Variants in SYNE1 observed in about 807,000 individuals in gnomAD.
SYNE1 encodes nesprin-1.
Under a neutral mutation model 1,111.0 loss-of-function variants are expected in SYNE1, and 616 were observed. The observed-to-expected ratio is 0.55, with a 90% CI of 0.52 to 0.59. The LOEUF is 0.59. Among genes scored for constraint, SYNE1 ranks in the 20% least tolerant of loss-of-function variants. The pLI, the probability that SYNE1 is intolerant of heterozygous loss-of-function variation, is 0.00. For synonymous variants in SYNE1, 3,855 were observed against 3,825.8 expected, an observed-to-expected ratio of 1.01 and a Z score of -0.28; for missense variants, 10,006 against 10,417.0, an observed-to-expected ratio of 0.96 and a Z score of 1.72.
At chr6:152,224,959 G>GTATA (rs565059418) in intron 116 of SYNE1, among the ~76,000 whole-genome samples, 2 of 145,336 alleles carry the variant, frequency 1.4e-5, no homozygotes, top group Non-Finnish European at 3.0e-5. Flanking sequence ...ATATATATGT[G>GTATA]TATATATATA....
chr6:152,276,929 G>T (rs11753775), intron 98 of SYNE1, among the ~76,000 whole-genome samples: 1 of 139,730 alleles, frequency 7.2e-6, no homozygotes, highest in East Asian at 2.1e-4. Flanking sequence ...CTGTCTCCCA[G>T]GCTGGAGTGC....
chr6:152,287,905 A>G (rs2094416798), intron 95 of SYNE1, among the ~76,000 whole-genome samples: 1 of 152,228 alleles, frequency 6.6e-6, no homozygotes, highest in Admixed American at 6.5e-5. Flanking sequence ...TGCAATTTTT[A>G]AAACGTGATT....
At chr6:152,400,458 G>A (rs1172359413) in intron 47 of SYNE1, among the ~76,000 whole-genome samples, 1 of 152,102 alleles carries the variant, frequency 6.6e-6, no homozygotes, top group Non-Finnish European at 1.5e-5. Context: ...GAGGTCAGGA[G>A]TTCGAGACCA....
chr6:152,159,438 C>T (rs1441946557), intron 131 of SYNE1, among the ~76,000 whole-genome samples: 5 of 151,974 alleles, frequency 3.3e-5, no homozygotes, highest in Non-Finnish European at 7.4e-5. Flanking sequence ...TTTTTAAAGT[C>T]TTAATTTAAA....
At chr6:152,367,771 A>G (rs1289035780) in intron 61 of SYNE1, 2 of 236,952 alleles carry the variant, frequency 8.4e-6, no homozygotes, top group Non-Finnish European at 8.4e-6. Flanking sequence ...GTTCTAAAAA[A>G]AAAATAATCT....
At chr6:152,511,528 C>A (rs1175329987) in intron 6 of SYNE1, 1 of 1,585,682 alleles carries the variant, frequency 6.3e-7, no homozygotes, top group East Asian at 2.2e-5. Context: ...TTCCCTTTTA[C>A]CTATAAAAAT....
chr6:152,331,049 C>T lies in SYNE1; in HGVS notation c.13636G>A (p.Val4546Ile), dbSNP rs4870093. 2,142 of 1,614,156 alleles carry T rather than the reference C, an allele frequency of 1.3e-3. 39 individuals carry two copies. In the Admixed American group the frequency reaches 0.022, roughly 16 times the overall value. The change falls in exon 78 of 146, where the codon GTT becomes ATT. Residue 4546 changes from valine (V) to isoleucine (I), a missense_variant. By Grantham distance (29) the Val-to-Ile change is conservative (BLOSUM62 3). Transcript: ENST00000367255. ...AACCGGTGACTGCACTTTTGTAAAA[C>T]ACTGTCATAGACACTCTGCAATTCC... ...LQELQSVYDS[V>I]LQKCSHRLQE...
intron 124 of SYNE1, among the ~76,000 whole-genome samples, chr6:152,210,028 C>T (rs1351758371): frequency 1.3e-5 from 2 of 152,194 alleles, no homozygotes; most frequent in African/African-American, 4.8e-5. Context: ...CAAGCTGTCC[C>T]AAACTACCTG....
intron 128 of SYNE1, among the ~76,000 whole-genome samples, chr6:152,184,823 A>G (rs2069328473): frequency 6.6e-6 from 1 of 152,192 alleles, no homozygotes; most frequent in Non-Finnish European, 1.5e-5. Context: ...TCAAAAGATA[A>G]GGGCAATGGC....
chr6:152,544,281 T>C (rs11969020), intron 3 of SYNE1, among the ~76,000 whole-genome samples: 8,088 of 152,222 alleles, frequency 0.053, 697 homozygotes, highest in African/African-American at 0.18. Context: ...TGATTATTAC[T>C]GGGTAGAATT....
chr6:152,144,210 C>A, intron 137 of SYNE1: 1 of 280,598 alleles, frequency 3.6e-6, no homozygotes, highest in South Asian at 3.8e-5. Flanking sequence ...TTTCTTCATG[C>A]ACCTCAGGGG....
At position 152,310,796 on chromosome 6, in the gene SYNE1, C is replaced by T. The variant is rs1475691670; in HGVS notation, c.16788G>A (p.Val5596=). ...MTEKLQYLTS[V]YCTEKMSQQV... is the part of the protein sequence containing the mutation. ...GCTGAGACATTTTTTCTGTACAGTA[C>T]ACGCTAGTGAGGTACTGTAATTTCT... is the stretch of plus-strand genomic sequence containing the variant. Residue 5596 remains valine, a synonymous_variant, in exon 88 of 146, where the codon GTG becomes GTA. Transcript: ENST00000367255. The T allele has an allele frequency of 6.2e-7, 1 of 1,614,018 alleles. No homozygotes were observed.
intron 3 of SYNE1, among the ~76,000 whole-genome samples, chr6:152,580,397 G>A (rs2099515467): frequency 6.6e-6 from 1 of 152,084 alleles, no homozygotes; most frequent in Non-Finnish European, 1.5e-5. Flanking sequence ...AGTTCCTTAT[G>A]AATTCTGGAT....
intron 124 of SYNE1, among the ~76,000 whole-genome samples, chr6:152,210,356 T>C (rs1044673370): frequency 6.6e-6 from 1 of 152,234 alleles, no homozygotes; most frequent in Admixed American, 6.5e-5. Flanking sequence ...AATATTGTTA[T>C]AGAGTTGGCT....
chr6:152,577,523 C>G (rs2099502020), intron 3 of SYNE1, among the ~76,000 whole-genome samples: 1 of 152,084 alleles, frequency 6.6e-6, no homozygotes, highest in African/African-American at 2.4e-5. Flanking sequence ...GTCGCAGCTA[C>G]TCGGGAGGCT....
intron 80 of SYNE1, 86 bp from the exon 81 acceptor site, chr6:152,325,388 C>A: frequency 7.7e-7 from 1 of 1,302,492 alleles, no homozygotes; most frequent in Non-Finnish European, 1.1e-6. Flanking sequence ...TTGGTAAAGC[C>A]CAAAATTCCT....
intron 127 of SYNE1, among the ~76,000 whole-genome samples, chr6:152,194,217 T>C (rs969897574): frequency 2.7e-5 from 4 of 150,742 alleles, no homozygotes; most frequent in South Asian, 2.1e-4. Context: ...CCCTTAGCTT[T>C]TGTTTGTTTG....
rs1246221242 is a variant in SYNE1, at chr6:152,510,259, A to G, written c.515T>C (p.Val172Ala). ...ETPSPPSKRK[V>A]TTKIQGNAKK... ...AGCATTTCCTTGGATCTTGGTGGTC[A>G]CCTTCCGTTTACTTGGTGGGCTGGG... The change falls in exon 8 of 146, where the codon GTG (valine) becomes GCG (alanine). Residue 172 changes from valine (V) to alanine (A), a missense_variant. By Grantham distance (64) the Val-to-Ala change is moderately conservative. Coordinates refer to ENST00000367255, the MANE Select transcript of SYNE1 (RefSeq NM_182961.4). 2 of 1,613,764 alleles carry G rather than the reference A, an allele frequency of 1.2e-6. No individual in the cohort carries two copies. Among genetic ancestry groups the G allele is most frequent in the Non-Finnish European group, 1.7e-6 (2 of 1,179,960 alleles).
At chr6:152,519,012 A>T (rs543374101) in intron 6 of SYNE1, among the ~76,000 whole-genome samples, 80 of 152,032 alleles carry the variant, frequency 5.3e-4, no homozygotes, top group African/African-American at 1.9e-3. Flanking sequence ...GGGGAGGGAT[A>T]GCATTAGGAG....
Sources: gnomAD v4.1 joint callset for allele counts (sites outside exome capture counted in the v4.1 genomes callset) on GRCh38, gnomAD v4.1.1 for gene constraint, MANE v1.5 for transcripts, NCBI Gene and HGNC (gene_info 2026-07-23, HGNC 2026-07-21) for gene names.